TENM2: variants seen among roughly 807,000 people sequenced by gnomAD.
TENM2 encodes teneurin transmembrane protein 2, also known as teneurin-2.
In TENM2, 52 loss-of-function variants were observed where a neutral mutation model predicts 245.2. The ratio of observed to expected loss-of-function variants is 0.21; its 90% CI spans 0.17 to 0.27. The LOEUF is 0.27. TENM2 is among the 10% of genes least tolerant of loss of function. TENM2 has a pLI of 1.00. For synonymous variants in TENM2, 1,363 were observed against 1,438.9 expected (o/e 0.95, Z 1.19); for missense variants, 3,046 against 3,666.8 (o/e 0.83, Z 4.37).
intron 2 of TENM2, among the ~76,000 whole-genome samples, chr5:167,862,241 ATGTG>A (rs138403142): frequency 0.13 from 19,619 of 148,428 alleles, 1,348 homozygotes; most frequent in Non-Finnish European, 0.14. Flanking sequence ...AATTTAGAGT[ATGTG>A]TGTGTGTGTG....
the TENM2 span, among the ~76,000 whole-genome samples, chr5:167,014,194 A>G: frequency 8.0e-6 from 1 of 125,558 alleles, no homozygotes; most frequent in Non-Finnish European, 1.6e-5. Flanking sequence ...CTGGACAGGT[A>G]TTTTTAGACC....
chr5:167,706,029 TTATATA>T (rs530874006), intron 2 of TENM2, among the ~76,000 whole-genome samples: 87 of 144,996 alleles, frequency 6.0e-4, no homozygotes, highest in African/African-American at 2.1e-3. Context: ...ATATTATATA[TTATATA>T]TATTTATATT....
intron 2 of TENM2, among the ~76,000 whole-genome samples, chr5:167,852,611 G>A (rs1250826712): frequency 6.6e-6 from 1 of 152,192 alleles, no homozygotes; most frequent in Non-Finnish European, 1.5e-5. Flanking sequence ...CCCATGCATT[G>A]ATCTCTTTAG....
intron 2 of TENM2, among the ~76,000 whole-genome samples, chr5:167,675,228 C>A (rs1756239034): frequency 6.6e-6 from 1 of 152,074 alleles, no homozygotes; most frequent in East Asian, 1.9e-4. Flanking sequence ...GACAAAATGT[C>A]TTGTTTCCTG....
the TENM2 span, among the ~76,000 whole-genome samples, chr5:167,234,507 G>C: frequency 6.6e-6 from 1 of 152,156 alleles, no homozygotes; most frequent in South Asian, 2.1e-4. Flanking sequence ...ATACTATTTT[G>C]AAGTAAAAAT....
At chr5:168,100,314 A>C (rs538565084) in intron 9 of TENM2, among the ~76,000 whole-genome samples, 1 of 152,334 alleles carries the variant, frequency 6.6e-6, no homozygotes, top group East Asian at 1.9e-4. Context: ...CCATTGTGGA[A>C]GATAGTGTGG....
chr5:167,097,239 C>T, the TENM2 span, among the ~76,000 whole-genome samples: 5 of 152,026 alleles, frequency 3.3e-5, no homozygotes, highest in Non-Finnish European at 7.3e-5. Flanking sequence ...GCATTCTGTG[C>T]GGGTTGATGT....
At chr5:167,248,358 G>C in the TENM2 span, among the ~76,000 whole-genome samples, 2 of 152,160 alleles carry the variant, frequency 1.3e-5, no homozygotes, top group Admixed American at 1.3e-4. Flanking sequence ...CACTTCTAAG[G>C]GTAGTGGTTC....
intron 2 of TENM2, among the ~76,000 whole-genome samples, chr5:167,502,828 G>A (rs1434257775): frequency 6.6e-6 from 1 of 152,134 alleles, no homozygotes; most frequent in Non-Finnish European, 1.5e-5. Flanking sequence ...CAATTCTAAA[G>A]CCAAATATAT....
At chr5:167,377,467 G>T (rs1226279788) in intron 2 of TENM2, among the ~76,000 whole-genome samples, 1 of 152,046 alleles carries the variant, frequency 6.6e-6, no homozygotes, top group Non-Finnish European at 1.5e-5. Flanking sequence ...GGTGAGAGAT[G>T]CTTATTTTAA....
At chr5:167,185,016 A>G in the TENM2 span, among the ~76,000 whole-genome samples, 3 of 152,198 alleles carry the variant, frequency 2.0e-5, no homozygotes, top group African/African-American at 4.8e-5. Flanking sequence ...GACAGGGGGC[A>G]GAACTCAGCT....
the TENM2 span, among the ~76,000 whole-genome samples, chr5:167,135,007 C>T: frequency 1.6e-3 from 246 of 152,308 alleles, no homozygotes; most frequent in African/African-American, 5.7e-3. Context: ...CAGCAGAGTA[C>T]ATTTTGAAGT....
rs542761604 is a variant in TENM2, at chr5:168,167,102, C to G, written c.2569+4345C>G. On this transcript the variant is annotated intron_variant, in intron 13 of 28. Coordinates refer to ENST00000518659, the Ensembl canonical transcript of TENM2. ...GAGATCTTCACTTGAACTGCTCACCCCAATTTGAAAAAGAAGAGACTCAAA... is the reference window on the plus strand; with the variant it reads ...GAGATCTTCACTTGAACTGCTCACCGCAATTTGAAAAAGAAGAGACTCAAA... 2.0e-5 allele frequency among the ~76,000 whole-genome samples: 3 copies of G among 152,080 alleles called. No individual in the cohort carries two copies. The South Asian group carries it at 6.3e-4, about 32-fold the overall frequency.
the TENM2 span, among the ~76,000 whole-genome samples, chr5:167,063,061 A>C: frequency 6.6e-6 from 1 of 152,146 alleles, no homozygotes; most frequent in African/African-American, 2.4e-5. Flanking sequence ...ATCTTCTAGA[A>C]ATGTCCAATT....
chr5:167,239,640 T>G, the TENM2 span, among the ~76,000 whole-genome samples: 1 of 152,200 alleles, frequency 6.6e-6, no homozygotes, highest in South Asian at 2.1e-4. Context: ...TGAAAGCAGA[T>G]GTGTTTGCTT....
At chr5:167,269,878 A>G in the TENM2 span, among the ~76,000 whole-genome samples, 448 of 152,258 alleles carry the variant, frequency 2.9e-3, 13 homozygotes, top group East Asian at 0.057. Flanking sequence ...CTGTATCTCC[A>G]CATCCATTGT....
At chr5:167,144,190 G>T in the TENM2 span, among the ~76,000 whole-genome samples, 1 of 151,972 alleles carries the variant, frequency 6.6e-6, no homozygotes, top group Non-Finnish European at 1.5e-5. Flanking sequence ...CAAAGAGTAC[G>T]CTGGTGGTGG....
In TENM2 at chr5:168,017,876, C is replaced by G. The variant is rs187516569; in HGVS notation, c.1186+24694C>G. On this transcript the variant is annotated intron_variant, in intron 5 of 28. Transcript: ENST00000518659. ...GCCCTTCATCGTTGATGTCATTTGA[C>G]TCTTCAGGCCCCCCTTCTCCCGTCA... is the stretch of plus-strand genomic sequence containing the variant. 2.6e-5 allele frequency among the ~76,000 whole-genome samples: 4 copies of G among 152,246 alleles called. No individual in the cohort carries two copies. The East Asian group carries it at 7.7e-4, about 29-fold the overall frequency.
chr5:167,515,668 T>TATAC (rs1562019088), intron 2 of TENM2, among the ~76,000 whole-genome samples: 1 of 35,632 alleles, frequency 2.8e-5, no homozygotes, highest in African/African-American at 6.7e-5. Context: ...TACGTATATA[T>TATAC]GTGTATATAT....
Sources: allele counts gnomAD v4.1 joint callset (sites outside exome capture counted in the v4.1 genomes callset), GRCh38; gene constraint gnomAD v4.1.1; transcripts MANE v1.5; gene names NCBI Gene and HGNC (gene_info 2026-07-23, HGNC 2026-07-21).